The following FAT1 variants were observed in gnomAD, a reference collection of about 807,000 sequenced individuals.
FAT1 encodes the protein FAT atypical cadherin 1, also known as protocadherin Fat 1.
FAT1 carries 171 observed loss-of-function variants against 329.8 expected under a neutral mutation model. The ratio of observed to expected loss-of-function variants is 0.52; its 90% CI spans 0.46 to 0.59. The LOEUF (loss-of-function observed/expected upper bound fraction) is 0.59, where lower values mean the gene tolerates loss of function less well. Ranked by LOEUF, FAT1 falls within the 20% of genes least tolerant of loss-of-function variation. FAT1 has a pLI of 0.00. For missense variants in FAT1, 5,672 were observed against 5,774.4 expected (o/e 0.98, Z 0.57); for synonymous variants, 2,233 against 2,228.6 (o/e 1.00, Z -0.06).
chr4:186,650,476 T>G (rs1301629933), intron 3 of FAT1, among the ~76,000 whole-genome samples: 1 of 152,104 alleles, frequency 6.6e-6, no homozygotes, highest in Non-Finnish European at 1.5e-5. Context: ...TGATTCTGAG[T>G]AAAGCAAAAT....
In FAT1 at chr4:186,604,402, T is replaced by C. The variant is rs1233057125; in HGVS notation, c.10523A>G (p.Lys3508Arg). The C allele has an allele frequency of 2.5e-6, 4 of 1,613,714 alleles. No individual in the cohort carries two copies. The highest frequency in any genetic ancestry group is 3.4e-6 in the Non-Finnish European group (4 of 1,179,776). ...CTTCACCTGCAGTAAGTAATGATCT[T>C]TCTCCTTCCTCTTGATGGCAGATGA... ...LTSSAIKRKE[K>R]DHYLLQVKVA... Residue 3508 changes from lysine (K) to arginine (R), a missense_variant, in exon 18 of 27, where the codon AAA becomes AGA. Physicochemically the swap from Lys to Arg is conservative, Grantham distance 26. Coordinates refer to ENST00000441802, the MANE Select transcript of FAT1 (RefSeq NM_005245.4).
chr4:186,601,114 G>A (rs763335938), intron 21 of FAT1, among the ~76,000 whole-genome samples, 155 bp downstream of exon 21: 1 of 152,208 alleles, frequency 6.6e-6, no homozygotes, highest in Non-Finnish European at 1.5e-5. Flanking sequence ...ATCCCACAAA[G>A]TCTAAAACTT....
At position 186,679,383 on chromosome 4, in the gene FAT1, C is replaced by T. The variant is rs200179485; in HGVS notation, c.3266-15770G>A. On this transcript the variant is annotated intron_variant, in intron 2 of 26. Coordinates refer to ENST00000441802, the MANE Select transcript of FAT1 (RefSeq NM_005245.4). ...AGTGAGCTGAGATCGCACCACTGCA[C>T]TCCAGCCTGGGTGACAGAGTGAGAC... Among the ~76,000 whole-genome samples, 22 of 141,504 alleles carry T rather than the reference C, an allele frequency of 1.6e-4. No individual in the cohort carries two copies. The Admixed American group carries it at 1.6e-3, about 10-fold the overall frequency. 92.8% of individuals were successfully genotyped at this position (141,504 alleles called of 152,430 possible).
In FAT1 at chr4:186,609,418, G is replaced by T. The variant is rs576779296; in HGVS notation, c.10069-98C>A. 25 of 1,401,986 alleles carry T rather than the reference G, an allele frequency of 1.8e-5. No individual in the cohort carries two copies. The East Asian group carries it at 4.3e-4, about 24-fold the overall frequency. 86.8% of individuals were successfully genotyped at this position (1,401,986 alleles called of 1,614,324 possible). On this transcript the variant is annotated intron_variant, in intron 15 of 26. Coordinates refer to ENST00000441802, the MANE Select transcript of FAT1 (RefSeq NM_005245.4). ...ATTAATAGCTTAGCTGTTTCTTTTTGTTGTTGTTTTTTTTTTGAGATGGAG... is the reference window on the plus strand; with the variant it reads ...ATTAATAGCTTAGCTGTTTCTTTTTTTTGTTGTTTTTTTTTTGAGATGGAG...
intron 26 of FAT1, among the ~76,000 whole-genome samples, chr4:186,592,517 GAT>G (rs1475639372): frequency 2.0e-5 from 3 of 152,176 alleles, no homozygotes; most frequent in Non-Finnish European, 2.9e-5. Context: ...CATACATTGA[GAT>G]ATTTTTTGCA....
chr4:186,691,927 TA>T (rs199866819), intron 2 of FAT1, among the ~76,000 whole-genome samples: 1,848 of 151,064 alleles, frequency 0.012, 41 homozygotes, highest in African/African-American at 0.044. Flanking sequence ...CTGTGGCTAC[TA>T]TTTTTTTTTA....
At chr4:186,595,647 C>G (rs766808676) in intron 26 of FAT1, 42 bp downstream of exon 26, 2 of 1,608,724 alleles carry the variant, frequency 1.2e-6, no homozygotes, top group Non-Finnish European at 1.7e-6. Context: ...AGTAACACAA[C>G]AAGCAAGCAA....
Position 186,619,524 on chromosome 4 carries a change from C to T in FAT1, c.7062G>A (p.Arg2354=), listed in dbSNP as rs756397442. The change falls in exon 10 of 27, where the codon CGG becomes CGA. Residue 2354 remains arginine (R), a synonymous_variant. Coordinates refer to ENST00000441802, the MANE Select transcript of FAT1 (RefSeq NM_005245.4). The part of the protein sequence containing the change: ...LLRTLDYEQS[R]QHTIFVRAVD... ...CTGCCCTCACAAAAATCGTGTGCTGCCGGGACTGCTCGTAATCCAGGGTTC... is the reference window on the plus strand; with the variant it reads ...CTGCCCTCACAAAAATCGTGTGCTGTCGGGACTGCTCGTAATCCAGGGTTC... The T allele has an allele frequency of 4.6e-5, 74 of 1,613,818 alleles. No individual in the cohort carries two copies. Among genetic ancestry groups the T allele is most frequent in the Admixed American group, 3.7e-4 (22 of 60,002 alleles).
At chr4:186,650,721 T>C (rs1017431928) in intron 3 of FAT1, among the ~76,000 whole-genome samples, 1 of 152,152 alleles carries the variant, frequency 6.6e-6, no homozygotes, top group African/African-American at 2.4e-5. Context: ...CCAGGAAAAA[T>C]GAACATAAAT....
At chr4:186,690,698 A>T (rs1743717053) in intron 2 of FAT1, among the ~76,000 whole-genome samples, 1 of 152,168 alleles carries the variant, frequency 6.6e-6, no homozygotes, top group South Asian at 2.1e-4. Flanking sequence ...TCAAAAAAAA[A>T]AAATCTAGTA....
In FAT1 at chr4:186,706,969, A is replaced by G. The variant is rs1490173775; in HGVS notation, c.2859T>C (p.Asp953=). ...CCTGACCAGACTGACCTAAATCAGG[A>G]TCGTGGGCTTCTAACCACATGATGA... The part of the protein sequence containing the change: ...GTVIMWLEAH[D]PDLGQSGQVR... The change falls in exon 2 of 27, where the codon GAT becomes GAC. Residue 953 remains aspartate, a synonymous_variant. Transcript: ENST00000441802. The G allele has an allele frequency of 2.5e-6, 4 of 1,613,924 alleles. No individual in the cohort carries two copies. Among genetic ancestry groups the G allele is most frequent in the Non-Finnish European group, 3.4e-6 (4 of 1,179,894 alleles).
chr4:186,654,869 T>A (rs465455), intron 3 of FAT1, among the ~76,000 whole-genome samples: 151,104 of 151,672 alleles, frequency 1, 75,272 homozygotes, highest in East Asian at 1. Flanking sequence ...AGATGGCATC[T>A]CTGCACTCCA....
intron 1 of FAT1, among the ~76,000 whole-genome samples, chr4:186,713,452 G>A (rs1304523879): frequency 6.6e-6 from 1 of 151,948 alleles, no homozygotes; most frequent in Non-Finnish European, 1.5e-5. Flanking sequence ...ATTTATCGAT[G>A]TTGACGCTGC....
intron 1 of FAT1, among the ~76,000 whole-genome samples, chr4:186,711,006 T>A (rs1464388712): frequency 6.6e-6 from 1 of 152,254 alleles, no homozygotes; most frequent in Non-Finnish European, 1.5e-5. Context: ...CAAATTCATC[T>A]TGTAAATCAA....
rs2126571256 is a variant in FAT1 at position 186,639,754 on chromosome 4, C to T, written c.3610G>A (p.Asp1204Asn). The change falls in exon 4 of 27, where the codon GAC becomes AAC. Residue 1204 changes from aspartate to asparagine, a missense_variant. By Grantham distance (23) the Asp-to-Asn change is conservative. Coordinates refer to ENST00000441802, the MANE Select transcript of FAT1 (RefSeq NM_005245.4). ...GLITTTSRKL[D>N]REQQDEHILE... is the part of the protein sequence containing the mutation. ...ATGTGTTCATCTTGCTGTTCTCGGT[C>T]TAGCTTCCTTGACGTAGTTGTGATG... The T allele has an allele frequency of 6.2e-7, 1 of 1,612,726 alleles. No homozygotes were observed. The highest frequency in any genetic ancestry group is 8.5e-7 in the Non-Finnish European group (1 of 1,179,310).
At chr4:186,722,025 A>G (rs987604239) in intron 1 of FAT1, among the ~76,000 whole-genome samples, 2 of 152,064 alleles carry the variant, frequency 1.3e-5, no homozygotes, top group African/African-American at 4.8e-5. Flanking sequence ...TTTAGTAGAG[A>G]CGGGGTTTCT....
chr4:186,663,078 T>G (rs1406934505), intron 3 of FAT1, among the ~76,000 whole-genome samples: 1 of 152,188 alleles, frequency 6.6e-6, no homozygotes, highest in Admixed American at 6.5e-5. Context: ...CCTCGTGATC[T>G]GCCTGCCTCG....
chr4:186,636,531 T>C, intron 5 of FAT1, 54 bp downstream of exon 5: 2 of 1,483,562 alleles, frequency 1.3e-6, no homozygotes, highest in South Asian at 2.7e-5. Flanking sequence ...AAATACAAAA[T>C]AAGGTTTATA....
intron 3 of FAT1, among the ~76,000 whole-genome samples, chr4:186,643,797 C>A (rs1741221366): frequency 1.4e-5 from 2 of 141,390 alleles, no homozygotes; most frequent in Non-Finnish European, 1.5e-5. Flanking sequence ...ATCCCCCCCC[C>A]ACCCCCACCC....
Sources: allele counts gnomAD v4.1 joint callset (sites outside exome capture counted in the v4.1 genomes callset), GRCh38; gene constraint gnomAD v4.1.1; transcripts MANE v1.5; gene names NCBI Gene and HGNC (gene_info 2026-07-23, HGNC 2026-07-21).